Variants in SDK1 observed in about 807,000 individuals in gnomAD.
SDK1 encodes sidekick cell adhesion molecule 1.
Under a neutral mutation model 245.5 loss-of-function variants are expected in SDK1, and 157 were observed. That is an observed-to-expected ratio of 0.64 (90% CI 0.56 to 0.73). The LOEUF (loss-of-function observed/expected upper bound fraction) is 0.73. Ranked by LOEUF, SDK1 falls within the 30% of genes least tolerant of loss-of-function variation. The pLI is 0.00. For synonymous variants in SDK1, 1,647 were observed against 1,278.5 expected (o/e 1.29, Z -6.15); for missense variants, 3,583 against 3,002.3 (o/e 1.19, Z -4.52).
chr7:3,639,155 G>A lies in SDK1; in HGVS notation c.565+45G>A. The A allele has an allele frequency of 3.7e-6, 4 of 1,095,066 alleles. No individual in the cohort carries two copies. In the African/African-American group the frequency reaches 4.6e-5, roughly 13 times the overall value. 67.8% of individuals were successfully genotyped at this position (1,095,066 alleles called of 1,614,324 possible). A position where few individuals can be genotyped will look rare whatever the true frequency, so the allele number is the denominator to read the frequency against. On this transcript the variant is annotated intron_variant, in intron 3 of 44. Coordinates refer to ENST00000404826, the MANE Select transcript of SDK1 (RefSeq NM_152744.4). The stretch of plus-strand genomic sequence containing the variant: ...ATGTCCAAATGTTAAAGAACAAAGT[G>A]TCGCTGGGGAGTCAATCAGAATCAC...
chr7:4,114,942 G>T (rs1440829117), intron 25 of SDK1, among the ~76,000 whole-genome samples: 2 of 152,206 alleles, frequency 1.3e-5, no homozygotes, highest in Non-Finnish European at 2.9e-5. Flanking sequence ...TCTGCCAGTT[G>T]CCAGGAAGCA....
intron 1 of SDK1, among the ~76,000 whole-genome samples, chr7:3,352,893 G>C (rs1238101911): frequency 2.0e-5 from 3 of 152,050 alleles, no homozygotes; most frequent in Admixed American, 6.5e-5. Context: ...AATCGGAACA[G>C]GCACCAGGTT....
At chr7:3,360,183 T>C (rs993165064) in intron 1 of SDK1, among the ~76,000 whole-genome samples, 25 of 152,210 alleles carry the variant, frequency 1.6e-4, no homozygotes, top group African/African-American at 5.8e-4. Flanking sequence ...AGTGGTAGAA[T>C]GTAAACTCCA....
At chr7:4,009,209 G>A (rs1280342183) in intron 14 of SDK1, among the ~76,000 whole-genome samples, 1 of 152,232 alleles carries the variant, frequency 6.6e-6, no homozygotes, top group Non-Finnish European at 1.5e-5. Context: ...CTCGTAGTCA[G>A]CTGTGGTCTC....
intron 17 of SDK1, among the ~76,000 whole-genome samples, chr7:4,018,733 T>G (rs898932473): frequency 3.9e-5 from 6 of 152,170 alleles, no homozygotes; most frequent in African/African-American, 1.4e-4. Flanking sequence ...GCTTTGAGGC[T>G]TTGGACTCTG....
At chr7:3,580,844 T>G (rs1348657668) in intron 1 of SDK1, among the ~76,000 whole-genome samples, 1 of 151,344 alleles carries the variant, frequency 6.6e-6, no homozygotes, top group African/African-American at 2.4e-5. Context: ...GGTATGCGCC[T>G]GTAGTCCCAG....
At chr7:3,777,960 G>C (rs902932530) in intron 4 of SDK1, among the ~76,000 whole-genome samples, 9 of 152,190 alleles carry the variant, frequency 5.9e-5, no homozygotes, top group African/African-American at 2.2e-4. Context: ...AGGATCAGCA[G>C]GGAATGATGG....
intron 21 of SDK1, 117 bp from the exon 22 acceptor site, chr7:4,079,346 C>T (rs1780909894): frequency 2.4e-6 from 3 of 1,255,140 alleles, no homozygotes; most frequent in Non-Finnish European, 3.4e-6. Context: ...AGAGCAAATC[C>T]TTTTTTGGTA....
chr7:3,928,902 C>A (rs1489592971), intron 5 of SDK1, among the ~76,000 whole-genome samples: 1 of 152,214 alleles, frequency 6.6e-6, no homozygotes, highest in East Asian at 1.9e-4. Context: ...GGTGGGGAAA[C>A]CCCACGCGTG....
intron 4 of SDK1, among the ~76,000 whole-genome samples, chr7:3,684,861 G>A (rs762450519): frequency 1.3e-5 from 2 of 152,100 alleles, no homozygotes; most frequent in African/African-American, 2.4e-5. Context: ...TCATTAGATG[G>A]GCTCAATAGT....
At chr7:3,353,112 T>G (rs755107737) in intron 1 of SDK1, among the ~76,000 whole-genome samples, 7 of 152,234 alleles carry the variant, frequency 4.6e-5, no homozygotes, top group Non-Finnish European at 8.8e-5. Context: ...GCAGCAATTC[T>G]ATTTCTATTT....
chr7:4,010,188 G>A (rs772721915), intron 14 of SDK1, among the ~76,000 whole-genome samples: 9 of 152,234 alleles, frequency 5.9e-5, no homozygotes, highest in Non-Finnish European at 1.2e-4. Context: ...AATGGGAACC[G>A]ACAGCGGATG....
chr7:3,810,168 CA>C (rs1482235390), intron 4 of SDK1, among the ~76,000 whole-genome samples: 2 of 152,170 alleles, frequency 1.3e-5, no homozygotes, highest in African/African-American at 4.8e-5. Context: ...GGAGCCCCCC[CA>C]TATCTGGAGC....
chr7:3,757,446 A>G (rs985136965), intron 4 of SDK1, among the ~76,000 whole-genome samples: 4 of 152,108 alleles, frequency 2.6e-5, no homozygotes, highest in Non-Finnish European at 5.9e-5. Context: ...TGTGTTGCCT[A>G]GGCTGGTCTC....
At chr7:3,657,807 C>CT (rs1783235792) in intron 4 of SDK1, among the ~76,000 whole-genome samples, 1 of 152,192 alleles carries the variant, frequency 6.6e-6, no homozygotes, top group Admixed American at 6.5e-5. Flanking sequence ...GTAAAGAAAG[C>CT]AGAGGAAGTC....
At chr7:3,542,366 C>A (rs1227528400) in intron 1 of SDK1, among the ~76,000 whole-genome samples, 1 of 152,160 alleles carries the variant, frequency 6.6e-6, no homozygotes, top group Non-Finnish European at 1.5e-5. Flanking sequence ...TCAGCCTGTG[C>A]CTTGTAGCGA....
At chr7:4,110,627 C>T (rs777586578) in intron 22 of SDK1, 36 bp from the exon 23 acceptor site, 5 of 1,454,022 alleles carry the variant, frequency 3.4e-6, no homozygotes, top group African/African-American at 1.4e-5. Flanking sequence ...GTCCCTAAGG[C>T]ATGTCCAGCC....
At chr7:3,837,555 G>A (rs1780054965) in intron 5 of SDK1, among the ~76,000 whole-genome samples, 1 of 152,182 alleles carries the variant, frequency 6.6e-6, no homozygotes, top group East Asian at 1.9e-4. Flanking sequence ...CGTTCTTGAG[G>A]TAAGTTGGGT....
rs542779842 is a variant in SDK1 at position 3,634,039 on chromosome 7, C to G, written c.459-4965C>G. Reference sequence around the variant, plus strand: ...CCTTTAGCCCTCTTCCTGGGCATCACCAACCCCAGATTTAAAAATCCAGAG... The same window carrying G: ...CCTTTAGCCCTCTTCCTGGGCATCAGCAACCCCAGATTTAAAAATCCAGAG... On this transcript the variant is annotated intron_variant, in intron 2 of 44. Transcript: ENST00000404826. Among the ~76,000 whole-genome samples the G allele has an allele frequency of 2.6e-5, 4 of 152,306 alleles. No homozygotes were observed. In the South Asian group the frequency reaches 8.3e-4, roughly 32 times the overall value.
Sources: allele counts gnomAD v4.1 joint callset (sites outside exome capture counted in the v4.1 genomes callset), GRCh38; gene constraint gnomAD v4.1.1; transcripts MANE v1.5; gene names NCBI Gene and HGNC (gene_info 2026-07-23, HGNC 2026-07-21).